OXR1: variants seen among roughly 807,000 people sequenced by gnomAD.
The protein encoded by OXR1 is oxidation resistance protein 1.
Under a neutral mutation model 104.6 loss-of-function variants are expected in OXR1, and 41 were observed. The ratio of observed to expected loss-of-function variants is 0.39; its 90% confidence interval spans 0.31 to 0.51. The LOEUF (loss-of-function observed/expected upper bound fraction) is 0.51. Ranked by LOEUF, OXR1 falls within the 20% of genes least tolerant of loss-of-function variation. The pLI, the probability that OXR1 is intolerant of heterozygous loss-of-function variation, is 0.77. For synonymous variants in OXR1, 348 were observed against 348.4 expected (o/e 1.00, Z 0.01); for missense variants, 955 against 1,031.9 (o/e 0.93, Z 1.02).
chr8:106,325,770 A>G (rs1563718862), intron 1 of OXR1, among the ~76,000 whole-genome samples: 1 of 152,212 alleles, frequency 6.6e-6, no homozygotes, highest in East Asian at 1.9e-4. Flanking sequence ...TATATTTTAC[A>G]TTTACATTTT....
At chr8:106,445,641 T>G (rs1188592779) in intron 2 of OXR1, among the ~76,000 whole-genome samples, 1 of 152,214 alleles carries the variant, frequency 6.6e-6, no homozygotes, top group South Asian at 2.1e-4. Flanking sequence ...CCTTATTTAC[T>G]TTTTAAGTAT....
In OXR1 at chr8:106,704,177, A is replaced by G. The variant is rs28921410; in HGVS notation, c.860+1087A>G. ...CCTAGAAGGTGTTAGTATCCTCTGT[A>G]TTAGTTATATTTGTAGATCATCATC... is the stretch of plus-strand genomic sequence containing the variant. On this transcript the variant is annotated intron_variant, in intron 8 of 16. Coordinates refer to ENST00000517566, the MANE Select transcript of OXR1 (RefSeq NM_001198533.2). Among the ~76,000 whole-genome samples the G allele has an allele frequency of 1.2e-4, 18 of 152,144 alleles. No homozygotes were observed. The East Asian group carries it at 2.5e-3, about 21-fold the overall frequency.
At chr8:106,645,986 C>A (rs1451345531) in intron 3 of OXR1, among the ~76,000 whole-genome samples, 2 of 152,042 alleles carry the variant, frequency 1.3e-5, no homozygotes, top group East Asian at 3.9e-4. Flanking sequence ...ACAGAAGGAA[C>A]AACAACAACA....
chr8:106,357,888 C>T (rs906051770), intron 1 of OXR1, among the ~76,000 whole-genome samples: 10 of 152,126 alleles, frequency 6.6e-5, no homozygotes, highest in South Asian at 2.1e-4. Flanking sequence ...AAGTCTCAAA[C>T]GTGGTGGCAG....
chr8:106,669,675 A>G (rs1330011787), intron 3 of OXR1, among the ~76,000 whole-genome samples: 2 of 152,186 alleles, frequency 1.3e-5, no homozygotes, highest in Admixed American at 6.5e-5. Context: ...CTTTTTATAC[A>G]TAGCTATTAT....
At chr8:106,494,328 C>T (rs997663893) in intron 2 of OXR1, among the ~76,000 whole-genome samples, 1 of 152,104 alleles carries the variant, frequency 6.6e-6, no homozygotes, top group Non-Finnish European at 1.5e-5. Context: ...TTGATGAAAA[C>T]TTAAAGCTGA....
At chr8:106,328,361 G>A (rs144851833) in intron 1 of OXR1, among the ~76,000 whole-genome samples, 22 of 152,290 alleles carry the variant, frequency 1.4e-4, no homozygotes, top group African/African-American at 5.3e-4. Flanking sequence ...ATGAACAGCA[G>A]CAATACCAAA....
chr8:106,283,424 C>T (rs533194098), intron 1 of OXR1, among the ~76,000 whole-genome samples: 4 of 152,266 alleles, frequency 2.6e-5, no homozygotes, highest in South Asian at 2.1e-4. Flanking sequence ...GAAGGACCGA[C>T]GTCAAACTTC....
intron 1 of OXR1, among the ~76,000 whole-genome samples, chr8:106,288,711 TA>T (rs1812615252): frequency 8.1e-6 from 1 of 123,008 alleles, no homozygotes; most frequent in East Asian, 2.3e-4. Context: ...ATTTATATAT[TA>T]TATATATTTA....
chr8:106,315,804 A>G (rs572395065), intron 1 of OXR1, among the ~76,000 whole-genome samples: 1 of 152,338 alleles, frequency 6.6e-6, no homozygotes, highest in Non-Finnish European at 1.5e-5. Flanking sequence ...GATCATCTCT[A>G]CTTACACTTA....
intron 3 of OXR1, among the ~76,000 whole-genome samples, chr8:106,537,129 A>G (rs1333864338): frequency 6.6e-6 from 1 of 151,996 alleles, no homozygotes; most frequent in Non-Finnish European, 1.5e-5. Flanking sequence ...ATAGGGCATT[A>G]ATTCCATTCA....
chr8:106,531,781 G>T (rs1175117542), intron 3 of OXR1, among the ~76,000 whole-genome samples: 1 of 152,108 alleles, frequency 6.6e-6, no homozygotes, highest in Non-Finnish European at 1.5e-5. Context: ...GCTGTTTGGG[G>T]TACAAAGTTT....
At chr8:106,681,014 G>A (rs970298279) in intron 4 of OXR1, among the ~76,000 whole-genome samples, 1 of 152,052 alleles carries the variant, frequency 6.6e-6, no homozygotes. Flanking sequence ...TTGAAATCTT[G>A]TACCTTAATT....
intron 3 of OXR1, among the ~76,000 whole-genome samples, chr8:106,620,452 A>T (rs1180102715): frequency 1.3e-5 from 2 of 152,152 alleles, no homozygotes; most frequent in African/African-American, 2.4e-5. Context: ...TTGGAACTTC[A>T]TAAAGTCTTC....
chr8:106,579,303 C>A (rs973451041), intron 3 of OXR1, among the ~76,000 whole-genome samples: 19 of 152,150 alleles, frequency 1.2e-4, no homozygotes, highest in African/African-American at 4.3e-4. Flanking sequence ...TTCGAAACTC[C>A]TGATCCCTGA....
At chr8:106,633,619 C>A (rs59850440) in intron 3 of OXR1, among the ~76,000 whole-genome samples, 3,489 of 152,242 alleles carry the variant, frequency 0.023, 49 homozygotes, top group East Asian at 0.034. Flanking sequence ...ATCATCTGAG[C>A]CAGCAGTTGC....
At chr8:106,467,607 C>A (rs931560963) in intron 2 of OXR1, among the ~76,000 whole-genome samples, 1 of 151,846 alleles carries the variant, frequency 6.6e-6, no homozygotes, top group East Asian at 1.9e-4. Context: ...GTAAGCAAAC[C>A]TGCTCTTTGT....
rs1229586912 is a variant in OXR1, at chr8:106,499,006, C to CA, written c.24-19931dup. 4.7e-5 allele frequency among the ~76,000 whole-genome samples: 3 copies of CA among 63,836 alleles called. 1 individual carries two copies. The highest frequency in any genetic ancestry group is 1.1e-4 in the Non-Finnish European group (3 of 28,454). The allele number at this position is 63,836 out of a possible 152,430, so 41.9% of individuals were successfully genotyped here. A position where few individuals can be genotyped will look rare whatever the true frequency, so the allele number is the denominator to read the frequency against. ...TGAAACCCCGTCTCTACTAAAAATA[C>CA]AAAAAATTAGCCGGGCGCGGTGGCG... is the stretch of plus-strand genomic sequence containing the variant. On this transcript the variant is annotated intron_variant, in intron 2 of 16. Coordinates refer to ENST00000517566, the MANE Select transcript of OXR1 (RefSeq NM_001198533.2).
chr8:106,480,085 A>G (rs1176657704), intron 2 of OXR1, among the ~76,000 whole-genome samples: 1 of 152,012 alleles, frequency 6.6e-6, no homozygotes, highest in African/African-American at 2.4e-5. Context: ...AATTTCTGGG[A>G]TCCTCTGTTA....
Sources: gnomAD v4.1 joint callset for allele counts (sites outside exome capture counted in the v4.1 genomes callset) on GRCh38, gnomAD v4.1.1 for gene constraint, MANE v1.5 for transcripts, NCBI Gene and HGNC (gene_info 2026-07-23, HGNC 2026-07-21) for gene names.